MYH15: variants seen among roughly 807,000 people sequenced by gnomAD.
The protein encoded by MYH15 is myosin heavy chain 15.
Under a neutral mutation model 240.5 loss-of-function variants are expected in MYH15, and 227 were observed. The observed-to-expected ratio is 0.94, with a 90% CI of 0.85 to 1.05. The LOEUF (loss-of-function observed/expected upper bound fraction) is 1.05. Ranked by LOEUF, MYH15 falls within the 50% of genes least tolerant of loss-of-function variation. The pLI is 0.00. For synonymous variants in MYH15, 785 were observed against 796.7 expected (o/e 0.99, Z 0.25); for missense variants, 2,217 against 2,247.5 (o/e 0.99, Z 0.27).
Position 108,483,994 on chromosome 3 carries a change from G to A in MYH15, c.1114+1097C>T, listed in dbSNP as rs74777378. Among the ~76,000 whole-genome samples the A allele has an allele frequency of 1.4e-4, 21 of 152,298 alleles. No individual in the cohort carries two copies. The East Asian group carries it at 3.9e-3, about 28-fold the overall frequency. The stretch of plus-strand genomic sequence containing the variant: ...CTGACATGATGAAAAAGTTCTGGCA[G>A]TGGATTACATTGCTAATTACACAAC... On this transcript the variant is annotated intron_variant, in intron 11 of 40. Transcript: ENST00000693548.
intron 16 of MYH15, among the ~76,000 whole-genome samples, chr3:108,462,796 T>C (rs1285677614): frequency 1.3e-5 from 2 of 152,066 alleles, no homozygotes; most frequent in African/African-American, 4.8e-5. Context: ...TATATAGTTA[T>C]ATAGATATTT....
chr3:108,492,201 TACACAC>T (rs10662107), intron 9 of MYH15, among the ~76,000 whole-genome samples: 17 of 147,926 alleles, frequency 1.1e-4, no homozygotes, highest in African/African-American at 1.5e-4. Flanking sequence ...AATGCTTTTA[TACACAC>T]ACACACACAC....
Position 108,405,336 on chromosome 3 carries a change from A to G in MYH15, c.4736+2T>C, listed in dbSNP as rs757777801. 6.8e-7 allele frequency: 1 copy of G among 1,469,708 alleles called. No homozygotes were observed. Among genetic ancestry groups the G allele is most frequent in the South Asian group, 1.4e-5 (1 of 70,596 alleles). The allele number at this position is 1,469,708 out of a possible 1,614,324, so 91.0% of individuals were successfully genotyped here. A position where few individuals can be genotyped will look rare whatever the true frequency, so the allele number is the denominator to read the frequency against. ...GTTACACATCAAAATCATCTTAAAT[A>G]CCTAAAATTTTCTATTTCTTCATCT... On this transcript the variant is annotated splice_donor_variant, in intron 33 of 40. Coordinates refer to ENST00000693548, the MANE Select transcript of MYH15 (RefSeq NM_014981.3). LOFTEE classifies it high-confidence loss of function.
At chr3:108,447,431 T>C (rs1208750293) in intron 21 of MYH15, among the ~76,000 whole-genome samples, 4 of 151,966 alleles carry the variant, frequency 2.6e-5, no homozygotes, top group Non-Finnish European at 5.9e-5. Flanking sequence ...ATAATGAAAT[T>C]CTCAAAAGTC....
intron 18 of MYH15, 117 bp downstream of exon 18, chr3:108,459,245 A>G (rs956483778): frequency 1.5e-6 from 1 of 648,022 alleles, no homozygotes; most frequent in African/African-American, 1.9e-5. Context: ...TCATTTTTCT[A>G]TATGAAATTC....
intron 20 of MYH15, among the ~76,000 whole-genome samples, chr3:108,454,639 A>C (rs1267578542): frequency 6.6e-6 from 1 of 152,198 alleles, no homozygotes; most frequent in African/African-American, 2.4e-5. Context: ...AAAACAGTCC[A>C]TGGACATGGC....
intron 20 of MYH15, among the ~76,000 whole-genome samples, chr3:108,454,785 A>G (rs1405533939): frequency 6.6e-6 from 1 of 152,228 alleles, no homozygotes; most frequent in African/African-American, 2.4e-5. Flanking sequence ...TAAAGCACAC[A>G]TTTTATGGAG....
At position 108,428,719 on chromosome 3, in the gene MYH15, GT is replaced by G. The variant is rs2082749591; in HGVS notation, c.3474del (p.Lys1158AsnfsTer27). On this transcript the variant is annotated frameshift_variant, in exon 27 of 41. Coordinates refer to ENST00000693548, the MANE Select transcript of MYH15 (RefSeq NM_014981.3). LOFTEE classifies it high-confidence loss of function. Reference protein sequence around the residue: ...SSLAQLEITKKQETKFQKLHR... With the variant: ...SSLAQLEITKXQETKFQKLHR... ...TGCAGCTTCTGGAATTTGGTTTCCTGTTTCTTAGTTATTTCCAGCTGAGCCA... is the reference window on the plus strand; with the variant it reads ...TGCAGCTTCTGGAATTTGGTTTCCTGTTCTTAGTTATTTCCAGCTGAGCCA... 6.2e-7 allele frequency: 1 copy of G among 1,613,836 alleles called. No homozygotes were observed. The highest frequency in any genetic ancestry group is 1.3e-5 in the African/African-American group (1 of 74,930).
At position 108,405,342 on chromosome 3, in the gene MYH15, A is replaced by C. The variant is rs1305033001; in HGVS notation, c.4732T>G (p.Phe1578Val). The C allele has an allele frequency of 1.3e-6, 2 of 1,487,482 alleles. No individual in the cohort carries two copies. Among genetic ancestry groups the C allele is most frequent in the African/African-American group, 2.8e-5 (2 of 72,478 alleles). 92.1% of individuals were successfully genotyped at this position (1,487,482 alleles called of 1,614,324 possible). Residue 1578 changes from phenylalanine (F) to valine (V), a missense_variant, in exon 33 of 41, where the codon TTT (phenylalanine) becomes GTT (valine). Coordinates refer to ENST00000693548, the MANE Select transcript of MYH15 (RefSeq NM_014981.3). ...CATCAAAATCATCTTAAATACCTAAAATTTTCTATTTCTTCATCTTTCTCT... is the reference window on the plus strand; with the variant it reads ...CATCAAAATCATCTTAAATACCTAACATTTTCTATTTCTTCATCTTTCTCT... The part of the protein sequence containing the change: ...LSEKDEEIEN[F>V]RRKQQCTIDS...
At chr3:108,470,510 T>A (rs567313125) in intron 13 of MYH15, among the ~76,000 whole-genome samples, 188 bp downstream of exon 13, 12 of 152,288 alleles carry the variant, frequency 7.9e-5, no homozygotes, top group South Asian at 2.1e-4. Flanking sequence ...AATCAATAAA[T>A]ACTTAATACC....
chr3:108,491,435 A>T (rs1455830432), intron 9 of MYH15, among the ~76,000 whole-genome samples: 1 of 151,856 alleles, frequency 6.6e-6, no homozygotes, highest in Non-Finnish European at 1.5e-5. Flanking sequence ...AAATCACAAA[A>T]CTTGGGGATA....
rs77027496 is a variant in MYH15 at position 108,447,155 on chromosome 3, T to G, written c.2400-2260A>C. Among the ~76,000 whole-genome samples the G allele has an allele frequency of 4.9e-4, 74 of 152,206 alleles. 1 individual carries two copies. In the East Asian group the frequency reaches 0.013, roughly 27 times the overall value. On this transcript the variant is annotated intron_variant, in intron 21 of 40. Coordinates refer to ENST00000693548, the MANE Select transcript of MYH15 (RefSeq NM_014981.3). ...TCAGTGAGCTCAAAGACAGGTCACTTGAAATTACTCATTTAGAGGAACAAA... is the reference window on the plus strand; with the variant it reads ...TCAGTGAGCTCAAAGACAGGTCACTGGAAATTACTCATTTAGAGGAACAAA...
chr3:108,408,524 C>T lies in MYH15; in HGVS notation c.4496-120G>A, dbSNP rs542737437. 6 of 963,960 alleles carry T rather than the reference C, an allele frequency of 6.2e-6. No individual in the cohort carries two copies. The South Asian group carries it at 1.1e-4, about 17-fold the overall frequency. The allele number at this position is 963,960 out of a possible 1,614,324, so 59.7% of individuals were successfully genotyped here. A position where few individuals can be genotyped will look rare whatever the true frequency, so the allele number is the denominator to read the frequency against. On this transcript the variant is annotated intron_variant, in intron 31 of 40. Coordinates refer to ENST00000693548, the MANE Select transcript of MYH15 (RefSeq NM_014981.3). ...AGTGACCTCATGCCACCCTTGGTAA[C>T]TTGATGACCTATCCTATATGGGACC...
the MYH15 span, among the ~76,000 whole-genome samples, chr3:108,534,701 A>T: frequency 2.3e-5 from 1 of 42,610 alleles, no homozygotes; most frequent in Non-Finnish European, 7.7e-5. Flanking sequence ...TCACATCTCT[A>T]AAAAAAAAAA....
intron 1 of MYH15, among the ~76,000 whole-genome samples, chr3:108,527,428 C>T (rs2083681067): frequency 6.6e-6 from 1 of 152,090 alleles, no homozygotes; most frequent in Non-Finnish European, 1.5e-5. Context: ...TCAGGTCTGC[C>T]TAAAAACATC....
upstream of MYH15, among the ~76,000 whole-genome samples, chr3:108,531,217 G>C (rs1287766656): frequency 6.6e-6 from 1 of 152,162 alleles, no homozygotes; most frequent in Non-Finnish European, 1.5e-5. Context: ...GGAATACAAA[G>C]AAAGATATTA....
chr3:108,398,609 G>A, intron 35 of MYH15, 28 bp downstream of exon 35: 1 of 1,608,082 alleles, frequency 6.2e-7, no homozygotes, highest in Non-Finnish European at 8.5e-7. Context: ...AACTGGCCCA[G>A]CTAATAGGGA....
At chr3:108,509,144 G>T (rs140547216) in intron 1 of MYH15, among the ~76,000 whole-genome samples, 1 of 152,258 alleles carries the variant, frequency 6.6e-6, no homozygotes, top group East Asian at 1.9e-4. Context: ...AAACTCCATT[G>T]TCTACCAGCC....
At chr3:108,453,200 AC>A (rs896186943) in intron 21 of MYH15, among the ~76,000 whole-genome samples, 42 of 152,046 alleles carry the variant, frequency 2.8e-4, no homozygotes, top group African/African-American at 9.9e-4. Context: ...ATGTTCTGTG[AC>A]CCCCAAACTC....
Sources: allele counts gnomAD v4.1 joint callset (sites outside exome capture counted in the v4.1 genomes callset), GRCh38; gene constraint gnomAD v4.1.1; transcripts MANE v1.5; gene names NCBI Gene and HGNC (gene_info 2026-07-23, HGNC 2026-07-21).